The following GOLPH3 variants were observed in gnomAD, a reference collection of about 807,000 sequenced individuals.
The protein encoded by GOLPH3 is coat protein GPP34.
GOLPH3 carries 14 observed loss-of-function variants against 28.5 expected under a neutral mutation model. The observed-to-expected ratio is 0.49, with a 90% CI of 0.32 to 0.77. The LOEUF (loss-of-function observed/expected upper bound fraction) is 0.77. Ranked by LOEUF, GOLPH3 falls within the 30% of genes least tolerant of loss-of-function variation. The pLI is 0.03. For missense variants in GOLPH3, 350 were observed against 393.7 expected, an observed-to-expected ratio of 0.89 and a Z score of 0.94; for synonymous variants, 158 against 159.2, an observed-to-expected ratio of 0.99 and a Z score of 0.06.
chr5:32,156,931 T>C (rs1746444151), intron 1 of GOLPH3, among the ~76,000 whole-genome samples: 1 of 152,270 alleles, frequency 6.6e-6, no homozygotes, highest in African/African-American at 2.4e-5. Context: ...CCAAATAAAC[T>C]AAGACAGATA....
intron 1 of GOLPH3, among the ~76,000 whole-genome samples, chr5:32,160,844 G>GACC (rs1273377672): frequency 6.6e-6 from 1 of 152,186 alleles, no homozygotes; most frequent in Non-Finnish European, 1.5e-5. Context: ...AAGGCGGGCG[G>GACC]ACCACGAGGT....
intron 1 of GOLPH3, among the ~76,000 whole-genome samples, chr5:32,147,232 A>G (rs935141775): frequency 3.9e-5 from 6 of 152,176 alleles, no homozygotes; most frequent in Non-Finnish European, 8.8e-5. Context: ...CTAAAAGCAA[A>G]AAAAAGGGAA....
chr5:32,166,475 A>C (rs893401708), intron 1 of GOLPH3, among the ~76,000 whole-genome samples: 4 of 152,178 alleles, frequency 2.6e-5, no homozygotes, highest in Non-Finnish European at 5.9e-5. Context: ...CAATTTCAAA[A>C]TGAAGCCAGG....
chr5:32,146,771 T>C (rs1033855687), intron 1 of GOLPH3, among the ~76,000 whole-genome samples: 3 of 152,218 alleles, frequency 2.0e-5, no homozygotes. Context: ...ATATATATTC[T>C]ACATGAGAAA....
intron 2 of GOLPH3, among the ~76,000 whole-genome samples, chr5:32,140,913 G>C (rs908426185): frequency 3.4e-4 from 51 of 152,072 alleles, no homozygotes; most frequent in Admixed American, 2.8e-3. Flanking sequence ...TGTAATCCTT[G>C]CACTTTGGGA....
rs1581533851 is a variant in GOLPH3, at chr5:32,126,219, G to C, written c.890C>G (p.Thr297Ser). Residue 297 changes from threonine to serine, a missense_variant, in exon 4 of 4, where the codon ACC becomes AGC. Physicochemically the swap from Thr to Ser is moderately conservative, Grantham distance 58. Transcript: ENST00000265070. ...EVLWAVVAAF[T>S]K The stretch of plus-strand genomic sequence containing the variant: ...GGTTCACCCCGAGCAGAGTTACTTG[G>C]TGAACGCCGCCACCACCGCCCACAG... 1 of 1,609,074 alleles carries C rather than the reference G, an allele frequency of 6.2e-7. No homozygotes were observed. Among genetic ancestry groups the C allele is most frequent in the East Asian group, 2.2e-5 (1 of 44,742 alleles).
chr5:32,148,966 A>G (rs1345655624), intron 1 of GOLPH3, among the ~76,000 whole-genome samples: 2 of 151,844 alleles, frequency 1.3e-5, no homozygotes, highest in African/African-American at 4.8e-5. Context: ...CAAGAGCGAA[A>G]CTCCATCTCA....
chr5:32,126,281 A>C lies in GOLPH3; in HGVS notation c.828T>G (p.Pro276=). The C allele has an allele frequency of 6.2e-7, 1 of 1,614,184 alleles. No homozygotes were observed. The highest frequency in any genetic ancestry group is 8.5e-7 in the Non-Finnish European group (1 of 1,180,034). ...TGTTGGCCTTCAGACATTCCACTTC[A>C]GGGTCTAAGTCGAGAAGCTGCCGCA... The part of the protein sequence containing the change: ...KRVRQLLDLD[P]EVECLKANTN... Residue 276 remains proline, a synonymous_variant, in exon 4 of 4, where the codon CCT becomes CCG. Transcript: ENST00000265070.
At chr5:32,135,992 T>C (rs1305086440) in intron 2 of GOLPH3, among the ~76,000 whole-genome samples, 1 of 152,048 alleles carries the variant, frequency 6.6e-6, no homozygotes, top group Non-Finnish European at 1.5e-5. Context: ...CCGGCCCACA[T>C]GGCAAAACCC....
At chr5:32,140,557 G>A (rs1177150588) in intron 2 of GOLPH3, among the ~76,000 whole-genome samples, 1 of 151,894 alleles carries the variant, frequency 6.6e-6, no homozygotes, top group Non-Finnish European at 1.5e-5. Context: ...TACTAGGGAG[G>A]CTGAGGCAGG....
In GOLPH3 at chr5:32,158,091, A is replaced by AAAATAAAT. The variant is rs371590080; in HGVS notation, c.226-14219_226-14212dup. ...CAAAATCAGCTTTAAACTCTGTCTCAAAATAAATAAATAAATAAATAAATA... is the reference window on the plus strand; with the variant it reads ...CAAAATCAGCTTTAAACTCTGTCTCAAAATAAATAAATAAATAAATAAATAAATAAATA... On this transcript the variant is annotated intron_variant, in intron 1 of 3. Transcript: ENST00000265070. Among the ~76,000 whole-genome samples the AAAATAAAT allele has an allele frequency of 2.3e-3, 99 of 43,288 alleles. 2 individuals are homozygous for AAAATAAAT. Among genetic ancestry groups the AAAATAAAT allele is most frequent in the African/African-American group, 4.6e-3 (41 of 8,836 alleles). The allele number at this position is 43,288 out of a possible 152,430, so 28.4% of individuals were successfully genotyped here.
At chr5:32,130,401 G>A (rs1331376659) in intron 3 of GOLPH3, among the ~76,000 whole-genome samples, 1 of 152,080 alleles carries the variant, frequency 6.6e-6, no homozygotes, top group East Asian at 1.9e-4. Flanking sequence ...AATTAATTAT[G>A]TAAAGAATAA....
chr5:32,166,541 C>A (rs551696754), intron 1 of GOLPH3, among the ~76,000 whole-genome samples: 1 of 152,300 alleles, frequency 6.6e-6, no homozygotes, highest in East Asian at 1.9e-4. Context: ...CATGGCCGGG[C>A]ACAGTGGCTC....
intron 1 of GOLPH3, among the ~76,000 whole-genome samples, chr5:32,166,161 A>C (rs1746704011): frequency 6.6e-6 from 1 of 152,224 alleles, no homozygotes; most frequent in African/African-American, 2.4e-5. Flanking sequence ...GGAATATGTA[A>C]ATCAAATACA....
At chr5:32,163,303 T>TAA (rs1234044821) in intron 1 of GOLPH3, among the ~76,000 whole-genome samples, 3 of 152,228 alleles carry the variant, frequency 2.0e-5, no homozygotes, top group Admixed American at 6.5e-5. Context: ...GCAGGCAGGA[T>TAA]AAAGTTAATA....
At chr5:32,130,394 T>C (rs1282473964) in intron 3 of GOLPH3, among the ~76,000 whole-genome samples, 1 of 152,214 alleles carries the variant, frequency 6.6e-6, no homozygotes, top group Non-Finnish European at 1.5e-5. Flanking sequence ...TAAGATTAAT[T>C]AATTATGTAA....
At position 32,125,950 on chromosome 5, in the gene GOLPH3, C is replaced by A; in HGVS notation, c.*262G>T. 1 of 381,200 alleles carries A rather than the reference C, an allele frequency of 2.6e-6. No individual in the cohort carries two copies. Among genetic ancestry groups the A allele is most frequent in the South Asian group, 5.0e-5 (1 of 19,928 alleles). The allele number at this position is 381,200 out of a possible 1,614,324, so 23.6% of individuals were successfully genotyped here. A position where few individuals can be genotyped will look rare whatever the true frequency, so the allele number is the denominator to read the frequency against. On this transcript the variant is annotated 3_prime_UTR_variant, in exon 4 of 4. Coordinates refer to ENST00000265070, the MANE Select transcript of GOLPH3 (RefSeq NM_022130.4). ...TTGAAAGTCAAAGTAGACCAGAAACCCAAAACAGGTAACAGTGAGGATGGC... is the reference window on the plus strand; with the variant it reads ...TTGAAAGTCAAAGTAGACCAGAAACACAAAACAGGTAACAGTGAGGATGGC...
At chr5:32,147,204 G>A (rs749922988) in intron 1 of GOLPH3, among the ~76,000 whole-genome samples, 43 of 151,718 alleles carry the variant, frequency 2.8e-4, no homozygotes, top group Non-Finnish European at 5.2e-4. Flanking sequence ...CATTATCATA[G>A]TAAAACACAA....
At chr5:32,152,421 GC>G (rs1355827678) in intron 1 of GOLPH3, among the ~76,000 whole-genome samples, 75 of 124,864 alleles carry the variant, frequency 6.0e-4, no homozygotes, top group Middle Eastern at 4.3e-3. Flanking sequence ...CACCGCGCCT[GC>G]CCCCCCCAGC....
Sources: gnomAD v4.1 joint callset for allele counts (sites outside exome capture counted in the v4.1 genomes callset) on GRCh38, gnomAD v4.1.1 for gene constraint, MANE v1.5 for transcripts, NCBI Gene and HGNC (gene_info 2026-07-23, HGNC 2026-07-21) for gene names.